Variants in GRM7 observed in about 807,000 individuals in gnomAD.
GRM7 encodes metabotropic glutamate receptor 7.
GRM7 carries 35 observed loss-of-function variants against 84.5 expected under a neutral mutation model. That is an observed-to-expected ratio of 0.41 (90% confidence interval 0.32 to 0.55). The LOEUF (loss-of-function observed/expected upper bound fraction) is 0.55, where lower values mean the gene tolerates loss of function less well. Ranked by LOEUF, GRM7 falls within the 20% of genes least tolerant of loss-of-function variation. GRM7 has a pLI of 0.19. For missense variants in GRM7, 1,003 were observed against 1,194.6 expected, an observed-to-expected ratio of 0.84 and a Z score of 2.36; for synonymous variants, 487 against 455.1, an observed-to-expected ratio of 1.07 and a Z score of -0.89.
At chr3:6,930,120 C>A (rs1697450191) in intron 1 of GRM7, among the ~76,000 whole-genome samples, 1 of 152,182 alleles carries the variant, frequency 6.6e-6, no homozygotes, top group African/African-American at 2.4e-5. Flanking sequence ...TGACTTAGTT[C>A]AGTAAATTGA....
chr3:7,311,665 C>A (rs1417451584), intron 4 of GRM7, among the ~76,000 whole-genome samples: 2 of 150,482 alleles, frequency 1.3e-5, no homozygotes, highest in African/African-American at 5.0e-5. Flanking sequence ...GCAGTCTTGG[C>A]TTACTGCAAC....
chr3:7,675,679 T>C (rs1463793447), intron 8 of GRM7, among the ~76,000 whole-genome samples: 1 of 152,206 alleles, frequency 6.6e-6, no homozygotes, highest in Admixed American at 6.5e-5. Context: ...TGACTAGACA[T>C]GAATAGGAGT....
intron 1 of GRM7, among the ~76,000 whole-genome samples, chr3:7,047,921 G>T (rs778475479): frequency 1.3e-4 from 20 of 151,940 alleles, no homozygotes; most frequent in Admixed American, 4.6e-4. Flanking sequence ...GTCATTAGAT[G>T]CCTGGTGCTT....
chr3:7,235,336 G>A (rs551733108), intron 2 of GRM7, among the ~76,000 whole-genome samples: 1 of 152,132 alleles, frequency 6.6e-6, no homozygotes, highest in East Asian at 1.9e-4. Flanking sequence ...CTTGTATTTG[G>A]TACAGCATTT....
At chr3:6,908,063 A>T (rs1696641740) in intron 1 of GRM7, among the ~76,000 whole-genome samples, 1 of 152,188 alleles carries the variant, frequency 6.6e-6, no homozygotes, top group African/African-American at 2.4e-5. Context: ...AAAAATAGCT[A>T]ATATCGTTTT....
intron 7 of GRM7, among the ~76,000 whole-genome samples, chr3:7,474,693 T>C (rs1698847806): frequency 6.6e-6 from 1 of 152,138 alleles, no homozygotes; most frequent in East Asian, 1.9e-4. Flanking sequence ...GCCTAAAATG[T>C]AGTATCTGTC....
chr3:7,650,851 G>T (rs565250711), intron 8 of GRM7, among the ~76,000 whole-genome samples: 1 of 152,154 alleles, frequency 6.6e-6, no homozygotes, highest in Non-Finnish European at 1.5e-5. Flanking sequence ...CTGAGTAGCT[G>T]GGATTACAGG....
intron 7 of GRM7, among the ~76,000 whole-genome samples, chr3:7,572,665 CA>C (rs1290943139): frequency 1.3e-5 from 2 of 149,886 alleles, no homozygotes; most frequent in South Asian, 4.3e-4. Flanking sequence ...AAAAAAAATA[CA>C]AAAAAATTAG....
chr3:6,935,677 A>AATTATTATTATTATT lies in GRM7; in HGVS notation c.519+73792_519+73806dup, dbSNP rs57669228. Among the ~76,000 whole-genome samples, 101 of 142,446 alleles carry AATTATTATTATTATT rather than the reference A, an allele frequency of 7.1e-4. 1 individual carries two copies. The highest frequency in any genetic ancestry group is 3.6e-3 in the Middle Eastern group (1 of 280). 93.5% of individuals were successfully genotyped at this position (142,446 alleles called of 152,430 possible). A position where few individuals can be genotyped will look rare whatever the true frequency, so the allele number is the denominator to read the frequency against. On this transcript the variant is annotated intron_variant, in intron 1 of 9. Transcript: ENST00000357716. Reference sequence around the variant, plus strand: ...CTTTGATTTCTGTTTCTTATTTTTAAATTATTATTATTATTATTATTATTA... The same window carrying AATTATTATTATTATT: ...CTTTGATTTCTGTTTCTTATTTTTAAATTATTATTATTATTATTATTATTATTATTATTATTATTA...
At chr3:7,408,210 C>T (rs1445286245) in intron 4 of GRM7, among the ~76,000 whole-genome samples, 1 of 152,062 alleles carries the variant, frequency 6.6e-6, no homozygotes, top group East Asian at 1.9e-4. Flanking sequence ...TATTTATTCC[C>T]ATATAAGTAT....
At chr3:6,992,691 C>T (rs542536009) in intron 1 of GRM7, among the ~76,000 whole-genome samples, 81 of 152,244 alleles carry the variant, frequency 5.3e-4, no homozygotes, top group African/African-American at 1.5e-3. Context: ...AAAAGTGCTG[C>T]CCCACAGGAG....
chr3:7,147,407 A>T (rs1694145832), intron 2 of GRM7, among the ~76,000 whole-genome samples: 1 of 151,732 alleles, frequency 6.6e-6, no homozygotes, highest in Non-Finnish European at 1.5e-5. Flanking sequence ...ACATACCAAT[A>T]TGCATGCTTA....
intron 2 of GRM7, among the ~76,000 whole-genome samples, chr3:7,192,832 C>G (rs1695753848): frequency 6.6e-6 from 1 of 152,090 alleles, no homozygotes; most frequent in Admixed American, 6.6e-5. Flanking sequence ...ACTTTTCAAT[C>G]CAATGTAATG....
intron 5 of GRM7, among the ~76,000 whole-genome samples, chr3:7,422,316 C>A (rs1575313664): frequency 6.6e-6 from 1 of 152,150 alleles, no homozygotes; most frequent in Non-Finnish European, 1.5e-5. Context: ...TTTAGACCAG[C>A]GTTGACCAAT....
chr3:7,382,077 A>G (rs1694613306), intron 4 of GRM7, among the ~76,000 whole-genome samples: 2 of 152,194 alleles, frequency 1.3e-5, no homozygotes, highest in Admixed American at 1.3e-4. Flanking sequence ...ATTCATCAAT[A>G]ATATTTTATG....
chr3:7,266,322 A>G (rs1406343384), intron 2 of GRM7, among the ~76,000 whole-genome samples: 6 of 152,212 alleles, frequency 3.9e-5, no homozygotes, highest in Admixed American at 1.3e-4. Context: ...GTTTGAATAT[A>G]CCATGCTTGA....
chr3:7,581,644 GT>G (rs937711303), intron 8 of GRM7, among the ~76,000 whole-genome samples: 1 of 151,920 alleles, frequency 6.6e-6, no homozygotes, highest in African/African-American at 2.4e-5. Context: ...AGAATCACAA[GT>G]TTTTCATTTT....
chr3:7,640,565 A>G (rs912942831), intron 8 of GRM7, among the ~76,000 whole-genome samples: 1 of 152,232 alleles, frequency 6.6e-6, no homozygotes, highest in Non-Finnish European at 1.5e-5. Context: ...TAAAATCTGA[A>G]TGATGCCAGT....
intron 7 of GRM7, among the ~76,000 whole-genome samples, chr3:7,493,295 A>G (rs1044903893): frequency 2.0e-5 from 3 of 151,940 alleles, no homozygotes; most frequent in African/African-American, 4.8e-5. Context: ...GGATTTGTCT[A>G]TTATTCTTTT....
Sources: allele counts gnomAD v4.1 joint callset (sites outside exome capture counted in the v4.1 genomes callset), GRCh38; gene constraint gnomAD v4.1.1; transcripts MANE v1.5; gene names NCBI Gene and HGNC (gene_info 2026-07-23, HGNC 2026-07-21).